Variants in SSBP2 observed in about 807,000 individuals in gnomAD.
SSBP2 encodes the protein single stranded DNA binding protein 2.
Under a neutral mutation model 61.8 loss-of-function variants are expected in SSBP2, and 17 were observed. The observed-to-expected ratio is 0.28, with a 90% CI of 0.19 to 0.41. The LOEUF is 0.41. Ranked by LOEUF, SSBP2 falls within the 10% of genes least tolerant of loss-of-function variation. The probability of loss-of-function intolerance (pLI) is 1.00; values close to 1 mark genes in which losing one functional copy is unlikely to be tolerated. For missense variants in SSBP2, 310 were observed against 458.7 expected (o/e 0.68, Z 2.96); for synonymous variants, 139 against 141.3 (o/e 0.98, Z 0.12).
chr5:81,721,127 A>C (rs1434201120), intron 1 of SSBP2, among the ~76,000 whole-genome samples: 2 of 152,166 alleles, frequency 1.3e-5, no homozygotes, highest in Non-Finnish European at 2.9e-5. Context: ...AAATCTGTCA[A>C]CTGTTAATCA....
intron 4 of SSBP2, among the ~76,000 whole-genome samples, chr5:81,589,628 A>C (rs1775340222): frequency 1.3e-5 from 2 of 152,208 alleles, no homozygotes; most frequent in Admixed American, 1.3e-4. Flanking sequence ...GTTTAGCTAG[A>C]TATGTGGTTT....
intron 4 of SSBP2, among the ~76,000 whole-genome samples, chr5:81,590,574 C>A (rs1390498920): frequency 3.9e-5 from 6 of 152,152 alleles, no homozygotes; most frequent in African/African-American, 1.4e-4. Context: ...CCCCTGAGAG[C>A]CAGAAATGCA....
At position 81,668,803 on chromosome 5, in the gene SSBP2, GTCC is replaced by G. The variant is rs529375571; in HGVS notation, c.63-18467_63-18465del. ...ACATTTTACATTATATTTAGTCAAG[GTCC>G]TCATCATTTGTACAGAAAATTTAAA... On this transcript the variant is annotated intron_variant, in intron 1 of 16. Coordinates refer to ENST00000320672, the MANE Select transcript of SSBP2 (RefSeq NM_012446.5). Among the ~76,000 whole-genome samples the G allele has an allele frequency of 2.0e-3, 299 of 152,082 alleles. 1 individual carries two copies. The highest frequency in any genetic ancestry group is 6.9e-3 in the African/African-American group (286 of 41,524).
At chr5:81,591,991 G>C (rs1775545369) in intron 4 of SSBP2, among the ~76,000 whole-genome samples, 2 of 152,206 alleles carry the variant, frequency 1.3e-5, no homozygotes, top group Admixed American at 1.3e-4. Flanking sequence ...GTAGCTGCAG[G>C]ACAGTGGGTG....
chr5:81,579,902 C>T (rs1199374213), intron 4 of SSBP2, among the ~76,000 whole-genome samples: 2 of 152,042 alleles, frequency 1.3e-5, no homozygotes, highest in African/African-American at 4.8e-5. Flanking sequence ...CTTTGCACCA[C>T]ATATGTATTC....
rs1050592428 is a variant in SSBP2, at chr5:81,416,592, T to A, written c.*3912A>T. 1.3e-5 allele frequency: 2 copies of A among 152,198 alleles called. No homozygotes were observed. Among genetic ancestry groups the A allele is most frequent in the African/African-American group, 4.8e-5 (2 of 41,438 alleles). The allele number at this position is 152,198 out of a possible 1,614,324, so 9.4% of individuals were successfully genotyped here. The stretch of plus-strand genomic sequence containing the variant: ...TTCTGAATGCTTTGCTATACATTCC[T>A]AGGGACAATATGATGAAGAAAAGAT... On this transcript the variant is annotated 3_prime_UTR_variant, in exon 17 of 17. Coordinates refer to ENST00000320672, the MANE Select transcript of SSBP2 (RefSeq NM_012446.5).
chr5:81,478,020 C>T (rs1381786604), intron 6 of SSBP2, among the ~76,000 whole-genome samples: 3 of 151,616 alleles, frequency 2.0e-5, no homozygotes, highest in East Asian at 1.9e-4. Context: ...TCAGAATGCC[C>T]GAGGAGAGTT....
At chr5:81,746,403 T>C (rs1047710322) in intron 1 of SSBP2, among the ~76,000 whole-genome samples, 1 of 152,148 alleles carries the variant, frequency 6.6e-6, no homozygotes, top group Non-Finnish European at 1.5e-5. Flanking sequence ...TTGGAAATCC[T>C]GAATTGTGCG....
chr5:81,597,453 T>C (rs1334422423), intron 4 of SSBP2, among the ~76,000 whole-genome samples: 1 of 152,214 alleles, frequency 6.6e-6, no homozygotes, highest in Non-Finnish European at 1.5e-5. Flanking sequence ...AGTGTGACGA[T>C]TCCTCAGGGA....
rs542800853 is a variant in SSBP2, at chr5:81,453,120, C to A, written c.688-4295G>T. Among the ~76,000 whole-genome samples the A allele has an allele frequency of 5.3e-5, 8 of 151,644 alleles. No individual in the cohort carries two copies. The South Asian group carries it at 1.7e-3, about 32-fold the overall frequency. On this transcript the variant is annotated intron_variant, in intron 10 of 16. Coordinates refer to ENST00000320672, the MANE Select transcript of SSBP2 (RefSeq NM_012446.5). ...GACGAACCTGGGCAATATGGCAAAACCTTGTCTCTATAAAAAACAAAAAAA... is the reference window on the plus strand; with the variant it reads ...GACGAACCTGGGCAATATGGCAAAAACTTGTCTCTATAAAAAACAAAAAAA...
intron 7 of SSBP2, among the ~76,000 whole-genome samples, 181 bp from the exon 8 acceptor site, chr5:81,473,951 TTAA>T (rs758349749): frequency 4.6e-5 from 7 of 152,316 alleles, no homozygotes; most frequent in Middle Eastern, 3.4e-3. Context: ...ACACCCTCTA[TTAA>T]TGTCTTGACT....
chr5:81,604,851 A>C (rs1561594874), intron 4 of SSBP2, among the ~76,000 whole-genome samples: 1 of 152,100 alleles, frequency 6.6e-6, no homozygotes, highest in South Asian at 2.1e-4. Flanking sequence ...TTAAAATTTA[A>C]ATGTTTCATA....
At position 81,701,640 on chromosome 5, in the gene SSBP2, G is replaced by A. The variant is rs545652826; in HGVS notation, c.62+49341C>T. ...CTCAAATAAAATGAGAACATTTTGAGTAGGCTAATTTTATAAGGCCTTTTA... is the reference window on the plus strand; with the variant it reads ...CTCAAATAAAATGAGAACATTTTGAATAGGCTAATTTTATAAGGCCTTTTA... On this transcript the variant is annotated intron_variant, in intron 1 of 16. Coordinates refer to ENST00000320672, the MANE Select transcript of SSBP2 (RefSeq NM_012446.5). 2.6e-5 allele frequency among the ~76,000 whole-genome samples: 4 copies of A among 152,276 alleles called. No homozygotes were observed. The South Asian group carries it at 6.2e-4, about 24-fold the overall frequency.
intron 1 of SSBP2, among the ~76,000 whole-genome samples, chr5:81,654,215 T>G (rs1043854932): frequency 2.6e-5 from 4 of 152,154 alleles, no homozygotes; most frequent in African/African-American, 9.7e-5. Flanking sequence ...TCCTCCTGCC[T>G]AGGCTTCCCA....
chr5:81,530,206 C>T (rs1770285980), intron 4 of SSBP2, among the ~76,000 whole-genome samples: 1 of 152,040 alleles, frequency 6.6e-6, no homozygotes, highest in Admixed American at 6.6e-5. Context: ...ATTAATAGCA[C>T]CTGCCTTATA....
At chr5:81,734,179 A>T (rs187650726) in intron 1 of SSBP2, among the ~76,000 whole-genome samples, 7 of 152,320 alleles carry the variant, frequency 4.6e-5, no homozygotes, top group Non-Finnish European at 5.9e-5. Context: ...TTTGCCTTTT[A>T]TAATTCCTTA....
chr5:81,442,850 G>A (rs1360922267), intron 12 of SSBP2, 127 bp from the exon 13 acceptor site: 1 of 443,546 alleles, frequency 2.3e-6, no homozygotes, highest in Non-Finnish European at 4.0e-6. Context: ...ACTTGAAATT[G>A]TCATTACTAA....
intron 13 of SSBP2, among the ~76,000 whole-genome samples, chr5:81,442,434 G>A (rs1763094842): frequency 6.6e-6 from 1 of 151,746 alleles, no homozygotes; most frequent in Non-Finnish European, 1.5e-5. Flanking sequence ...TAATTGATTA[G>A]GATCAGTTTT....
intron 7 of SSBP2, among the ~76,000 whole-genome samples, chr5:81,474,038 T>C (rs1329888997): frequency 2.0e-5 from 3 of 152,224 alleles, no homozygotes; most frequent in Non-Finnish European, 4.4e-5. Context: ...AACAGTACAA[T>C]AGAGCATTAC....
Sources: allele counts gnomAD v4.1 joint callset (sites outside exome capture counted in the v4.1 genomes callset), GRCh38; gene constraint gnomAD v4.1.1; transcripts MANE v1.5; gene names NCBI Gene and HGNC (gene_info 2026-07-23, HGNC 2026-07-21).